The following CSMD1 variants were observed in gnomAD, a reference collection of about 807,000 sequenced individuals.
CSMD1 encodes CUB and Sushi multiple domains 1, also known as CUB and sushi domain-containing protein 1.
A neutral mutation model predicts 417.5 loss-of-function variants in CSMD1; 213 were observed. The observed-to-expected ratio is 0.51, with a 90% confidence interval of 0.46 to 0.57. The LOEUF (loss-of-function observed/expected upper bound fraction) is 0.57, where lower values mean the gene tolerates loss of function less well. Among genes scored for constraint, CSMD1 ranks in the 20% least tolerant of loss-of-function variants. CSMD1 has a pLI of 0.00. For synonymous variants in CSMD1, 2,862 were observed against 1,736.8 expected (o/e 1.65, Z -16.11); for missense variants, 6,923 against 4,529.7 (o/e 1.53, Z -15.17).
At chr8:4,456,838 C>G (rs1055548178) in intron 2 of CSMD1, among the ~76,000 whole-genome samples, 2 of 151,960 alleles carry the variant, frequency 1.3e-5, no homozygotes, top group Admixed American at 1.3e-4. Context: ...ACCTGCAGGA[C>G]CCATCCTGAC....
At chr8:4,963,250 G>C (rs772913536) in intron 1 of CSMD1, among the ~76,000 whole-genome samples, 1 of 152,050 alleles carries the variant, frequency 6.6e-6, no homozygotes, top group Admixed American at 6.6e-5. Flanking sequence ...ACGCAGGCTG[G>C]AGTGCAGTGG....
chr8:4,894,090 A>G (rs1434721771), intron 1 of CSMD1, among the ~76,000 whole-genome samples: 1 of 152,044 alleles, frequency 6.6e-6, no homozygotes, highest in Non-Finnish European at 1.5e-5. Context: ...TAGCTTACCA[A>G]AAGTCTTCAT....
At chr8:4,622,058 C>G (rs1279343889) in intron 2 of CSMD1, among the ~76,000 whole-genome samples, 1 of 151,192 alleles carries the variant, frequency 6.6e-6, no homozygotes. Flanking sequence ...GAAAAATCTA[C>G]AAGCAACATA....
intron 2 of CSMD1, among the ~76,000 whole-genome samples, chr8:4,516,130 A>T (rs1471216633): frequency 6.6e-6 from 1 of 152,060 alleles, no homozygotes; most frequent in African/African-American, 2.4e-5. Context: ...AGTAATTAAG[A>T]TTAAAAGAGG....
chr8:4,398,719 T>G (rs1251513024), intron 3 of CSMD1, among the ~76,000 whole-genome samples: 1 of 152,150 alleles, frequency 6.6e-6, no homozygotes, highest in Non-Finnish European at 1.5e-5. Flanking sequence ...AGCTACAGCT[T>G]TCAAACAAAT....
intron 7 of CSMD1, among the ~76,000 whole-genome samples, chr8:3,650,872 G>C (rs890158794): frequency 1.3e-5 from 2 of 152,108 alleles, no homozygotes; most frequent in Middle Eastern, 3.4e-3. Flanking sequence ...CTATGACTAT[G>C]TAACATCTCT....
At chr8:3,467,700 C>CAG (rs966410571) in intron 12 of CSMD1, among the ~76,000 whole-genome samples, 1 of 151,766 alleles carries the variant, frequency 6.6e-6, no homozygotes, top group African/African-American at 2.4e-5. Context: ...TTATCCCACA[C>CAG]AGAGAGAGAG....
At chr8:3,931,807 G>C (rs975681725) in intron 5 of CSMD1, among the ~76,000 whole-genome samples, 1 of 148,248 alleles carries the variant, frequency 6.7e-6, no homozygotes, top group Admixed American at 6.7e-5. Flanking sequence ...AGTGGGCAAT[G>C]GGACTTCCTA....
At chr8:3,632,253 G>C (rs1270192957) in intron 7 of CSMD1, among the ~76,000 whole-genome samples, 2 of 152,126 alleles carry the variant, frequency 1.3e-5, no homozygotes, top group African/African-American at 4.8e-5. Flanking sequence ...TTAACCATTT[G>C]ATAATGCATC....
At chr8:4,686,290 T>C (rs6999300) in intron 1 of CSMD1, among the ~76,000 whole-genome samples, 6,565 of 152,270 alleles carry the variant, frequency 0.043, 176 homozygotes, top group East Asian at 0.16. Context: ...AACGGCCCAT[T>C]AAAACGAACA....
chr8:4,525,461 T>C (rs932700835), intron 2 of CSMD1, among the ~76,000 whole-genome samples: 1 of 152,170 alleles, frequency 6.6e-6, no homozygotes, highest in East Asian at 1.9e-4. Flanking sequence ...TATTACAAAT[T>C]ATGCAGATAA....
chr8:3,233,221 A>G (rs1369895434), intron 26 of CSMD1, among the ~76,000 whole-genome samples: 1 of 152,094 alleles, frequency 6.6e-6, no homozygotes, highest in African/African-American at 2.4e-5. Flanking sequence ...TGAGGCCTTT[A>G]AGAGGTGATT....
intron 1 of CSMD1, among the ~76,000 whole-genome samples, chr8:4,647,620 G>C (rs936925103): frequency 1.3e-5 from 2 of 150,722 alleles, no homozygotes; most frequent in Admixed American, 1.3e-4. Context: ...CTGTATCTAT[G>C]TGTTCTCATT....
intron 5 of CSMD1, among the ~76,000 whole-genome samples, chr8:3,869,831 T>C (rs966710201): frequency 1.3e-5 from 2 of 152,004 alleles, no homozygotes; most frequent in Admixed American, 1.3e-4. Context: ...TGCCACTTAA[T>C]AATCACATTC....
At chr8:4,405,225 T>G (rs891541863) in intron 3 of CSMD1, among the ~76,000 whole-genome samples, 7 of 152,234 alleles carry the variant, frequency 4.6e-5, no homozygotes, top group African/African-American at 1.7e-4. Flanking sequence ...ACCCGTGGTT[T>G]TGCATCAATG....
intron 3 of CSMD1, among the ~76,000 whole-genome samples, chr8:4,356,065 G>A (rs1040022910): frequency 2.0e-5 from 3 of 152,124 alleles, no homozygotes; most frequent in Non-Finnish European, 4.4e-5. Context: ...CCTGAGCAGT[G>A]TACACTGCAC....
At chr8:3,158,566 G>C (rs1819680175) in intron 38 of CSMD1, among the ~76,000 whole-genome samples, 1 of 151,794 alleles carries the variant, frequency 6.6e-6, no homozygotes, top group Non-Finnish European at 1.5e-5. Flanking sequence ...TCATCACTCA[G>C]GGTCTCTTTA....
At chr8:4,070,882 T>C (rs563257108) in intron 3 of CSMD1, among the ~76,000 whole-genome samples, 6 of 152,332 alleles carry the variant, frequency 3.9e-5, no homozygotes, top group East Asian at 1.9e-4. Flanking sequence ...TTTTGCTTTG[T>C]TTACTTTCTT....
chr8:4,723,298 A>G (rs995491696), intron 1 of CSMD1, among the ~76,000 whole-genome samples: 3 of 152,190 alleles, frequency 2.0e-5, no homozygotes, highest in East Asian at 1.9e-4. Context: ...GAATCATCCA[A>G]TTACTACAAT....
Sources: gnomAD v4.1 joint callset for allele counts (sites outside exome capture counted in the v4.1 genomes callset) on GRCh38, gnomAD v4.1.1 for gene constraint, MANE v1.5 for transcripts, NCBI Gene and HGNC (gene_info 2026-07-23, HGNC 2026-07-21) for gene names.